Variants in GRIP1 observed in about 807,000 individuals in gnomAD.
The protein encoded by GRIP1 is glutamate receptor-interacting protein 1.
A neutral mutation model predicts 129.9 loss-of-function variants in GRIP1; 45 were observed. The observed-to-expected ratio is 0.35, with a 90% CI of 0.27 to 0.44. The LOEUF (loss-of-function observed/expected upper bound fraction) is 0.44, where lower values mean the gene tolerates loss of function less well. Ranked by LOEUF, GRIP1 falls within the 20% of genes least tolerant of loss-of-function variation. The probability of loss-of-function intolerance (pLI) is 1.00; values close to 1 mark genes in which losing one functional copy is unlikely to be tolerated. For missense variants in GRIP1, 1,196 were observed against 1,396.8 expected (o/e 0.86, Z 2.29); for synonymous variants, 530 against 520.8 (o/e 1.02, Z -0.24).
intron 1 of GRIP1, among the ~76,000 whole-genome samples, chr12:66,797,426 G>T (rs1257545290): frequency 1.3e-5 from 2 of 152,028 alleles, no homozygotes; most frequent in Non-Finnish European, 2.9e-5. Flanking sequence ...TCTCTCTGGG[G>T]TCTTCAGCAC....
intron 1 of GRIP1, among the ~76,000 whole-genome samples, chr12:66,854,066 T>A (rs1277315571): frequency 1.3e-5 from 2 of 152,060 alleles, no homozygotes; most frequent in Non-Finnish European, 2.9e-5. Flanking sequence ...GGAGATTTAT[T>A]GAGCACTTTC....
In GRIP1 at chr12:66,526,902, G is replaced by A. The variant is rs541748687; in HGVS notation, c.502+2929C>T. Among the ~76,000 whole-genome samples the A allele has an allele frequency of 5.0e-4, 69 of 138,444 alleles. 10 individuals carry two copies. The highest frequency in any genetic ancestry group is 1.7e-3 in the African/African-American group (60 of 36,348). The allele number at this position is 138,444 out of a possible 152,430, so 90.8% of individuals were successfully genotyped here. The stretch of plus-strand genomic sequence containing the variant: ...ACACTTCTCAAAAGAAGACATTTAC[G>A]CAGCCAAAAAACACATGAAGAAATG... On this transcript the variant is annotated intron_variant, in intron 5 of 24. Transcript: ENST00000359742.
intron 1 of GRIP1, among the ~76,000 whole-genome samples, chr12:66,617,087 G>GTGTGTGTGTA (rs1432957720): frequency 8.7e-6 from 1 of 114,814 alleles, no homozygotes; most frequent in Non-Finnish European, 1.9e-5. Flanking sequence ...CAGACGTTTT[G>GTGTGTGTGTA]TGTGTGTGTG....
upstream of GRIP1, among the ~76,000 whole-genome samples, chr12:66,680,968 T>C (rs1449080499): frequency 1.3e-5 from 2 of 152,092 alleles, no homozygotes; most frequent in African/African-American, 2.4e-5. Context: ...ATGCTTATTT[T>C]TTTTGTTTTG....
At chr12:67,038,722 A>G (rs774579578) in intron 1 of GRIP1, among the ~76,000 whole-genome samples, 20 of 152,226 alleles carry the variant, frequency 1.3e-4, no homozygotes, top group Non-Finnish European at 2.5e-4. Flanking sequence ...TTTATCACTC[A>G]GGCATCTGCC....
intron 1 of GRIP1, among the ~76,000 whole-genome samples, chr12:66,938,782 C>T (rs1184714348): frequency 6.6e-6 from 1 of 152,170 alleles, no homozygotes; most frequent in African/African-American, 2.4e-5. Flanking sequence ...CATGGTGAAA[C>T]CCCATCTCCA....
At chr12:67,043,874 T>A (rs949037789) in intron 1 of GRIP1, among the ~76,000 whole-genome samples, 6 of 152,168 alleles carry the variant, frequency 3.9e-5, no homozygotes, top group African/African-American at 1.4e-4. Flanking sequence ...AGTTTATTTT[T>A]TTTTTTAAAA....
rs138921295 is a variant in GRIP1, at chr12:66,930,176, T to C, written c.58+138874A>G. Among the ~76,000 whole-genome samples, 645 of 150,064 alleles carry C rather than the reference T, an allele frequency of 4.3e-3. 2 individuals carry two copies. Among genetic ancestry groups the C allele is most frequent in the African/African-American group, 0.014 (557 of 40,958 alleles). ...ATTGTGCAGGTTAGTTACATATGTA[T>C]ACATGTGCCATGCTGGTGCGCTGCA... is the stretch of plus-strand genomic sequence containing the variant. On this transcript the variant is annotated intron_variant, in intron 1 of 1. Coordinates refer to the GRIP1 transcript ENST00000643019.
At chr12:66,637,952 A>C (rs888180884) in intron 1 of GRIP1, among the ~76,000 whole-genome samples, 36 of 152,228 alleles carry the variant, frequency 2.4e-4, no homozygotes, top group Non-Finnish European at 1.3e-4. Context: ...TGGAAGTGCT[A>C]CAAAAATCCA....
At chr12:67,003,005 G>A (rs1481855763) in intron 1 of GRIP1, among the ~76,000 whole-genome samples, 1 of 152,040 alleles carries the variant, frequency 6.6e-6, no homozygotes, top group Non-Finnish European at 1.5e-5. Context: ...CAGGCATTAG[G>A]TTCCTCTACA....
chr12:66,730,391 T>C (rs1362278844), intron 1 of GRIP1, among the ~76,000 whole-genome samples: 3 of 152,176 alleles, frequency 2.0e-5, no homozygotes, highest in Non-Finnish European at 2.9e-5. Context: ...GAATTGTGTG[T>C]ATGTAGCTTA....
intron 1 of GRIP1, among the ~76,000 whole-genome samples, chr12:66,674,777 C>T (rs1017504880): frequency 2.0e-5 from 3 of 152,100 alleles, no homozygotes; most frequent in Admixed American, 2.0e-4. Context: ...TGATCACAAC[C>T]CAGCCTTTTA....
intron 1 of GRIP1, among the ~76,000 whole-genome samples, chr12:67,060,847 G>GAAAA (rs1565661363): frequency 1.4e-5 from 2 of 146,720 alleles, no homozygotes; most frequent in African/African-American, 2.5e-5. Context: ...AAAAAAAAAT[G>GAAAA]TGTTGGCAGT....
intron 7 of GRIP1, among the ~76,000 whole-genome samples, chr12:66,479,733 G>A (rs2138538635): frequency 6.6e-6 from 1 of 152,248 alleles, no homozygotes; most frequent in Middle Eastern, 3.4e-3. Context: ...GATCAAGTAG[G>A]CTTCATCCCT....
intron 1 of GRIP1, among the ~76,000 whole-genome samples, chr12:66,709,995 T>TTCTCA (rs1224417436): frequency 1.3e-5 from 2 of 151,970 alleles, no homozygotes; most frequent in Admixed American, 1.3e-4. Context: ...GGAAACGCCA[T>TTCTCA]TCTCATCACA....
chr12:66,581,391 A>C (rs2139614582), intron 2 of GRIP1, among the ~76,000 whole-genome samples: 1 of 151,420 alleles, frequency 6.6e-6, no homozygotes, highest in East Asian at 1.9e-4. Flanking sequence ...AGAAGGCAAG[A>C]AATAACTAAA....
intron 19 of GRIP1, among the ~76,000 whole-genome samples, chr12:66,381,744 A>C (rs148789449): frequency 1.3e-3 from 201 of 152,336 alleles, no homozygotes; most frequent in African/African-American, 4.6e-3. Flanking sequence ...ATCAGTAGGA[A>C]ACTGCTAACC....
chr12:66,415,375 A>G (rs1256213425), intron 15 of GRIP1, among the ~76,000 whole-genome samples: 1 of 152,234 alleles, frequency 6.6e-6, no homozygotes, highest in Non-Finnish European at 1.5e-5. Flanking sequence ...ATGAGATATC[A>G]TCTGATGCCA....
chr12:66,464,954 CTT>C (rs62769560), intron 8 of GRIP1, among the ~76,000 whole-genome samples: 13 of 93,580 alleles, frequency 1.4e-4, no homozygotes, highest in East Asian at 2.1e-4. Context: ...TTCTTTCTTT[CTT>C]TTTTTTTTTT....
Sources: gnomAD v4.1 joint callset for allele counts (sites outside exome capture counted in the v4.1 genomes callset) on GRCh38, gnomAD v4.1.1 for gene constraint, MANE v1.5 for transcripts, NCBI Gene and HGNC (gene_info 2026-07-23, HGNC 2026-07-21) for gene names.